The following PELI2 variants were observed in gnomAD, a reference collection of about 807,000 sequenced individuals.
PELI2 encodes the protein E3 ubiquitin-protein ligase pellino homolog 2.
In PELI2, 23 loss-of-function variants were observed where a neutral mutation model predicts 42.3. That is an observed-to-expected ratio of 0.54 (90% confidence interval 0.39 to 0.77). The LOEUF (loss-of-function observed/expected upper bound fraction) is 0.77. Among genes scored for constraint, PELI2 ranks in the 30% least tolerant of loss-of-function variants. The pLI is 0.00. For missense variants in PELI2, 463 were observed against 553.2 expected (o/e 0.84, Z 1.64); for synonymous variants, 245 against 212.2 (o/e 1.15, Z -1.34).
intron 2 of PELI2, among the ~76,000 whole-genome samples, chr14:56,256,912 G>A (rs1186918472): frequency 2.6e-5 from 4 of 152,152 alleles, no homozygotes; most frequent in Admixed American, 2.6e-4. Flanking sequence ...ACTGGAAGTT[G>A]CCAGCTGTCT....
At chr14:56,182,327 G>A (rs1340943454) in intron 2 of PELI2, among the ~76,000 whole-genome samples, 1 of 152,188 alleles carries the variant, frequency 6.6e-6, no homozygotes, top group East Asian at 1.9e-4. Flanking sequence ...TGATGTGACT[G>A]AGAAATCAAG....
intron 2 of PELI2, among the ~76,000 whole-genome samples, chr14:56,239,475 C>G (rs1887902497): frequency 6.6e-6 from 1 of 152,138 alleles, no homozygotes; most frequent in Non-Finnish European, 1.5e-5. Context: ...TTGTATAATG[C>G]ATTATTTGTT....
chr14:56,139,460 A>G (rs1883821298), intron 1 of PELI2, among the ~76,000 whole-genome samples: 1 of 152,084 alleles, frequency 6.6e-6, no homozygotes, highest in Non-Finnish European at 1.5e-5. Context: ...ATGACAGTTC[A>G]TTTCTTATTG....
Position 56,297,385 on chromosome 14 carries a change from G to T in PELI2, c.*219G>T. The T allele has an allele frequency of 2.1e-6, 1 of 479,616 alleles. No individual in the cohort carries two copies. The highest frequency in any genetic ancestry group is 3.7e-6 in the Non-Finnish European group (1 of 270,892). The allele number at this position is 479,616 out of a possible 1,614,324, so 29.7% of individuals were successfully genotyped here. Reference sequence around the variant, plus strand: ...GCAGCGTCGTCATTGAAGTCTGCTTGATTAAACCATAATATCTTTGTAATA... The same window carrying T: ...GCAGCGTCGTCATTGAAGTCTGCTTTATTAAACCATAATATCTTTGTAATA... On this transcript the variant is annotated 3_prime_UTR_variant, in exon 6 of 6. Coordinates refer to ENST00000267460, the MANE Select transcript of PELI2 (RefSeq NM_021255.3).
chr14:56,162,276 A>G (rs1233278043), intron 1 of PELI2, among the ~76,000 whole-genome samples: 1 of 151,808 alleles, frequency 6.6e-6, no homozygotes, highest in Non-Finnish European at 1.5e-5. Context: ...TGGCCTTCCC[A>G]GCCACTGGTG....
At chr14:56,185,775 C>G (rs957322111) in intron 2 of PELI2, among the ~76,000 whole-genome samples, 13 of 152,008 alleles carry the variant, frequency 8.6e-5, no homozygotes, top group Admixed American at 6.6e-4. Context: ...GGACCAACAA[C>G]TAATTTTGTG....
At chr14:56,158,231 T>A (rs900043301) in intron 1 of PELI2, among the ~76,000 whole-genome samples, 9 of 151,974 alleles carry the variant, frequency 5.9e-5, no homozygotes, top group African/African-American at 2.2e-4. Context: ...TTTCATGGTG[T>A]TGGCCAGGCT....
In PELI2 at chr14:56,273,304, C is replaced by G. The variant is rs1328710137; in HGVS notation, c.208-6372C>G. 6.6e-6 allele frequency among the ~76,000 whole-genome samples: 1 copy of G among 152,202 alleles called. No individual in the cohort carries two copies. The highest frequency in any genetic ancestry group is 2.4e-5 in the African/African-American group (1 of 41,458). On this transcript the variant is annotated intron_variant, in intron 2 of 5. Coordinates refer to ENST00000267460, the MANE Select transcript of PELI2 (RefSeq NM_021255.3). The surrounding 1 kb of genome is among the most constrained non-coding windows in gnomAD (Gnocchi z 4.3). ...AGGCTTCTTGCCCACAGCTGGGAACCCCCAGAGCGGCAAATGGAAGCTGCA... is the reference window on the plus strand; with the variant it reads ...AGGCTTCTTGCCCACAGCTGGGAACGCCCAGAGCGGCAAATGGAAGCTGCA...
intron 2 of PELI2, among the ~76,000 whole-genome samples, chr14:56,268,592 T>C (rs1041199132): frequency 6.6e-6 from 1 of 152,212 alleles, no homozygotes; most frequent in African/African-American, 2.4e-5. Context: ...CCCTGCGGCA[T>C]TTTGCTCACA....
At chr14:56,181,091 A>C (rs1378344355) in intron 2 of PELI2, among the ~76,000 whole-genome samples, 1 of 152,070 alleles carries the variant, frequency 6.6e-6, no homozygotes. Context: ...TCCCACTGAT[A>C]TGGTGCTCCT....
At chr14:56,210,875 C>A (rs1225153867) in intron 2 of PELI2, among the ~76,000 whole-genome samples, 6 of 152,094 alleles carry the variant, frequency 3.9e-5, no homozygotes, top group African/African-American at 1.4e-4. Flanking sequence ...TCAGAGTTTT[C>A]CCTTGACATA....
chr14:56,255,251 G>A (rs1002996394), intron 2 of PELI2, among the ~76,000 whole-genome samples: 7 of 152,192 alleles, frequency 4.6e-5, no homozygotes, highest in Non-Finnish European at 8.8e-5. Context: ...GCCCATCAGT[G>A]ATAGACTGTA....
intron 2 of PELI2, among the ~76,000 whole-genome samples, chr14:56,226,324 C>G (rs927078928): frequency 2.6e-5 from 4 of 152,212 alleles, no homozygotes; most frequent in African/African-American, 7.2e-5. Context: ...CACTGATGAT[C>G]AGCCTCACTG....
chr14:56,130,729 CAT>C (rs1883454556), intron 1 of PELI2, among the ~76,000 whole-genome samples: 1 of 151,864 alleles, frequency 6.6e-6, no homozygotes, highest in Non-Finnish European at 1.5e-5. Flanking sequence ...AATTATATAT[CAT>C]ATTGAATTGA....
At chr14:56,226,107 T>C (rs1207413767) in intron 2 of PELI2, among the ~76,000 whole-genome samples, 2 of 151,040 alleles carry the variant, frequency 1.3e-5, no homozygotes, top group African/African-American at 4.9e-5. Flanking sequence ...AGAAGTCAGG[T>C]CAAGTGAGCC....
At chr14:56,195,855 T>G (rs1407921425) in intron 2 of PELI2, among the ~76,000 whole-genome samples, 1 of 152,218 alleles carries the variant, frequency 6.6e-6, no homozygotes, top group Admixed American at 6.5e-5. Flanking sequence ...GCTGCACATG[T>G]GCGCAAGCCG....
Position 56,219,786 on chromosome 14 carries a change from C to A in PELI2, c.207+41322C>A, listed in dbSNP as rs1010138089. ...TGCCTTGACTCTATTCAGTTAGAGT[C>A]ATTTATTTATTTTTACATGTTTGTA... is the stretch of plus-strand genomic sequence containing the variant. On this transcript the variant is annotated intron_variant, in intron 2 of 5. Coordinates refer to ENST00000267460, the MANE Select transcript of PELI2 (RefSeq NM_021255.3). The surrounding 1 kb of genome is among the most constrained non-coding windows in gnomAD (Gnocchi z 4.1). Among the ~76,000 whole-genome samples the A allele has an allele frequency of 6.6e-6, 1 of 152,148 alleles. No homozygotes were observed. Among genetic ancestry groups the A allele is most frequent in the Admixed American group, 6.6e-5 (1 of 15,260 alleles).
At chr14:56,226,799 G>C (rs1887372832) in intron 2 of PELI2, among the ~76,000 whole-genome samples, 1 of 152,146 alleles carries the variant, frequency 6.6e-6, no homozygotes, top group Non-Finnish European at 1.5e-5. Flanking sequence ...TTGAAATTCT[G>C]GAGTACCTTG....
chr14:56,199,328 T>A (rs1175566967), intron 2 of PELI2, among the ~76,000 whole-genome samples: 1 of 152,202 alleles, frequency 6.6e-6, no homozygotes, highest in East Asian at 1.9e-4. Context: ...ACTTCTGTTC[T>A]GTTTTTGTTT....
Sources: allele counts gnomAD v4.1 joint callset (sites outside exome capture counted in the v4.1 genomes callset), GRCh38; gene constraint gnomAD v4.1.1; non-coding constraint Gnocchi (gnomAD v3.1); transcripts MANE v1.5; gene names NCBI Gene and HGNC (gene_info 2026-07-23, HGNC 2026-07-21).